The following XIRP2 variants were observed in gnomAD, a reference collection of about 807,000 sequenced individuals.
XIRP2 encodes xin actin binding repeat containing 2.
A neutral mutation model predicts 277.0 loss-of-function variants in XIRP2; 236 were observed. That is an observed-to-expected ratio of 0.85 (90% CI 0.77 to 0.95). The LOEUF is 0.95. Among genes scored for constraint, XIRP2 ranks in the 40% least tolerant of loss-of-function variants. The probability of loss-of-function intolerance (pLI) is 0.00; values close to 1 mark genes in which losing one functional copy is unlikely to be tolerated. For missense variants in XIRP2, 4,640 were observed against 4,157.5 expected (o/e 1.12, Z -3.19); for synonymous variants, 1,490 against 1,416.5 (o/e 1.05, Z -1.17).
chr2:167,022,323 G>A (rs1688006150), intron 2 of XIRP2, among the ~76,000 whole-genome samples: 1 of 151,970 alleles, frequency 6.6e-6, no homozygotes, highest in Non-Finnish European at 1.5e-5. Context: ...AAAATTGAGA[G>A]TCATTTATGC....
chr2:167,173,555 A>T (rs1161428554), intron 3 of XIRP2, among the ~76,000 whole-genome samples: 1 of 152,184 alleles, frequency 6.6e-6, no homozygotes, highest in Non-Finnish European at 1.5e-5. Context: ...GGTTGCTTCC[A>T]AATCTTGGCT....
At chr2:167,165,679 T>C (rs1204015315) in intron 3 of XIRP2, among the ~76,000 whole-genome samples, 2 of 152,234 alleles carry the variant, frequency 1.3e-5, no homozygotes, top group Non-Finnish European at 2.9e-5. Context: ...GCCTGTTGTT[T>C]AATTGGGTTG....
chr2:166,995,709 C>G (rs1050305632), intron 2 of XIRP2, among the ~76,000 whole-genome samples: 5 of 152,130 alleles, frequency 3.3e-5, no homozygotes, highest in Admixed American at 6.5e-5. Context: ...TTTTCAAACA[C>G]AAATTTCTTA....
rs768706551 is a variant in XIRP2, at chr2:167,259,329, T to G, written c.*1512T>G. On this transcript the variant is annotated 3_prime_UTR_variant, in exon 11 of 11. Transcript: ENST00000409195. ...GAACAACTCACGGTGGAAGAGCAGA[T>G]TAAAAGAAACAGGTGCTACAGTGAC... The G allele has an allele frequency of 7.4e-6, 12 of 1,611,462 alleles. No homozygotes were observed. Among genetic ancestry groups the G allele is most frequent in the Non-Finnish European group, 9.3e-6 (11 of 1,179,028 alleles).
intron 2 of XIRP2, among the ~76,000 whole-genome samples, chr2:167,119,066 G>A (rs937594018): frequency 2.0e-4 from 30 of 152,140 alleles, no homozygotes; most frequent in African/African-American, 4.1e-4. Context: ...GATTGTCCCC[G>A]TGGCAAGATC....
At chr2:167,222,500 A>G (rs1001943100) in intron 5 of XIRP2, among the ~76,000 whole-genome samples, 3 of 152,196 alleles carry the variant, frequency 2.0e-5, no homozygotes, top group Admixed American at 1.3e-4. Context: ...TCCAGTAGAT[A>G]TAAATTAAAC....
chr2:167,148,418 A>G (rs1325379206), intron 3 of XIRP2, among the ~76,000 whole-genome samples: 1 of 146,478 alleles, frequency 6.8e-6, no homozygotes, highest in African/African-American at 2.6e-5. Context: ...AAAGAAAGAG[A>G]GAAAGAAAGA....
rs532476552 is a variant in XIRP2 at position 166,892,450 on chromosome 2, T to A, written c.-19+3893T>A. ...TGAAAAAAGTCAATTGCTTTGTGAC[T>A]GAAATTATTCTGTGAAACAGCTCTG... On this transcript the variant is annotated intron_variant, in intron 1 of 10. Transcript: ENST00000409195. 2.0e-5 allele frequency among the ~76,000 whole-genome samples: 3 copies of A among 152,264 alleles called. No homozygotes were observed. In the South Asian group the frequency reaches 6.2e-4, roughly 32 times the overall value.
intron 2 of XIRP2, among the ~76,000 whole-genome samples, chr2:167,050,124 C>A (rs1243613484): frequency 6.6e-6 from 1 of 151,974 alleles, no homozygotes; most frequent in Non-Finnish European, 1.5e-5. Context: ...CTTTGAAAGC[C>A]AGTTGCCAAT....
At chr2:167,153,014 A>G (rs1692061588) in intron 3 of XIRP2, among the ~76,000 whole-genome samples, 1 of 152,070 alleles carries the variant, frequency 6.6e-6, no homozygotes, top group Non-Finnish European at 1.5e-5. Context: ...TTATTTTGGC[A>G]TGTTTCACTC....
At chr2:167,138,526 T>C (rs1427963270) in intron 3 of XIRP2, among the ~76,000 whole-genome samples, 1 of 152,210 alleles carries the variant, frequency 6.6e-6, no homozygotes, top group Non-Finnish European at 1.5e-5. Flanking sequence ...ACTTATGTAT[T>C]GGTGTCAAAT....
At chr2:167,105,261 A>T (rs190627339) in intron 2 of XIRP2, among the ~76,000 whole-genome samples, 94 of 152,092 alleles carry the variant, frequency 6.2e-4, no homozygotes, top group African/African-American at 2.0e-3. Flanking sequence ...ACATATTTCC[A>T]TCACCACATA....
Position 167,248,044 on chromosome 2 carries a change from G to C in XIRP2, c.6652G>C (p.Asp2218His). 1 of 1,613,618 alleles carries C rather than the reference G, an allele frequency of 6.2e-7. No homozygotes were observed. The highest frequency in any genetic ancestry group is 8.5e-7 in the Non-Finnish European group (1 of 1,179,758). Residue 2218 changes from aspartate to histidine, a missense_variant, in exon 9 of 11, where the codon GAC (aspartate) becomes CAC (histidine). Coordinates refer to ENST00000409195, the MANE Select transcript of XIRP2 (RefSeq NM_152381.6). ...PMWQLLPVEQ[D>H]TSNVTEMKVS... ...GTGGCAGCTTTTGCCTGTAGAGCAA[G>C]ACACATCCAATGTAACAGAAATGAA...
intron 2 of XIRP2, among the ~76,000 whole-genome samples, chr2:167,071,667 G>T (rs1166486490): frequency 6.6e-6 from 1 of 152,154 alleles, no homozygotes; most frequent in Non-Finnish European, 1.5e-5. Flanking sequence ...AATTTTAATA[G>T]CTATTAAACT....
chr2:166,979,457 C>A (rs1248118106), intron 2 of XIRP2, among the ~76,000 whole-genome samples: 7 of 148,658 alleles, frequency 4.7e-5, no homozygotes, highest in African/African-American at 1.7e-4. Flanking sequence ...TGCCTGGTCC[C>A]AAATCTTAGG....
chr2:167,060,893 T>C (rs1369839421), intron 2 of XIRP2, among the ~76,000 whole-genome samples: 1 of 152,174 alleles, frequency 6.6e-6, no homozygotes, highest in Non-Finnish European at 1.5e-5. Context: ...AATTACTTTT[T>C]GAATTCCTAT....
chr2:167,063,387 G>A (rs537457157), intron 2 of XIRP2, among the ~76,000 whole-genome samples: 13 of 152,028 alleles, frequency 8.6e-5, no homozygotes, highest in Middle Eastern at 3.4e-3. Flanking sequence ...TTCTGGTTTC[G>A]AAAGGAATGC....
At chr2:167,061,736 G>A (rs2105240489) in intron 2 of XIRP2, among the ~76,000 whole-genome samples, 1 of 152,184 alleles carries the variant, frequency 6.6e-6, no homozygotes, top group South Asian at 2.1e-4. Context: ...GAAGCAGAGA[G>A]TGTGGTGATG....
chr2:166,930,134 A>G (rs184424523), intron 2 of XIRP2, among the ~76,000 whole-genome samples: 1 of 152,124 alleles, frequency 6.6e-6, no homozygotes, highest in Non-Finnish European at 1.5e-5. Context: ...TCTGGGTGAG[A>G]CATTGGCAAT....
Sources: allele counts gnomAD v4.1 joint callset (sites outside exome capture counted in the v4.1 genomes callset), GRCh38; gene constraint gnomAD v4.1.1; transcripts MANE v1.5; gene names NCBI Gene and HGNC (gene_info 2026-07-23, HGNC 2026-07-21).